Variants in SMG1 observed in about 807,000 individuals in gnomAD.
SMG1 encodes SMG1 nonsense mediated mRNA decay associated PI3K related kinase.
Under a neutral mutation model 419.9 loss-of-function variants are expected in SMG1, and 22 were observed. The observed-to-expected ratio is 0.05, with a 90% CI of 0.04 to 0.07. The LOEUF (loss-of-function observed/expected upper bound fraction) is 0.07, where lower values mean the gene tolerates loss of function less well. Ranked by LOEUF, SMG1 falls within the 10% of genes least tolerant of loss-of-function variation. SMG1 has a pLI of 1.00. For missense variants in SMG1, 3,185 were observed against 4,342.0 expected, an observed-to-expected ratio of 0.73 and a Z score of 7.49; for synonymous variants, 1,538 against 1,553.5, an observed-to-expected ratio of 0.99 and a Z score of 0.23.
At chr16:18,875,752 AAAAAGT>A (rs2036095171) in intron 13 of SMG1, 1 of 290,536 alleles carries the variant, frequency 3.4e-6, no homozygotes, top group Non-Finnish European at 6.3e-6. Context: ...GACAGAAAGA[AAAAAGT>A]ACCAGGGGAA....
chr16:18,922,981 C>T (rs2142038826), intron 1 of SMG1, among the ~76,000 whole-genome samples: 1 of 152,278 alleles, frequency 6.6e-6, no homozygotes, highest in East Asian at 2.0e-4. Flanking sequence ...CTTGTGGATG[C>T]TGAGGCAGGA....
intron 38 of SMG1, 126 bp from the exon 39 acceptor site, chr16:18,845,777 A>C: frequency 1.4e-6 from 1 of 725,004 alleles, no homozygotes; most frequent in Non-Finnish European, 2.2e-6. Flanking sequence ...TAAATAAAGC[A>C]ATAACATATT....
rs764402241 is a variant in SMG1, at chr16:18,850,028, C to A, written c.5382G>T (p.Arg1794=). The change falls in exon 35 of 63, where the codon CGG becomes CGT. Residue 1794 remains arginine (R), a synonymous_variant. Coordinates refer to ENST00000446231, the MANE Select transcript of SMG1 (RefSeq NM_015092.5). ...GCTCACCAGCATGCTTCACGAGCAA[C>A]CGCAGCAGGCGCAATGTGGCCATCA... The part of the protein sequence containing the change: ...MIVMATLRLL[R]LLVKHAGELR... 8 of 1,613,878 alleles carry A rather than the reference C, an allele frequency of 5.0e-6. No individual in the cohort carries two copies. In the African/African-American group the frequency reaches 9.3e-5, roughly 19 times the overall value.
chr16:18,877,182 C>T lies in SMG1; in HGVS notation c.1569G>A (p.Leu523=), dbSNP rs1385589929. 28 of 1,555,376 alleles carry T rather than the reference C, an allele frequency of 1.8e-5. No homozygotes were observed. The East Asian group carries it at 6.1e-4, about 34-fold the overall frequency. Residue 523 remains leucine, a synonymous_variant, in exon 12 of 63, where the codon CTG becomes CTA. Coordinates refer to ENST00000446231, the MANE Select transcript of SMG1 (RefSeq NM_015092.5). The stretch of plus-strand genomic sequence containing the variant: ...ATAGTAGTTTAGATGATGGTATAAA[C>T]AGTTTTTCTACAAATGATGATGGCA... ...TKLPSSFVEK[L]FIPSSKLLFL...
chr16:18,876,664 G>GC (rs371586929), intron 12 of SMG1, among the ~76,000 whole-genome samples: 3 of 125,686 alleles, frequency 2.4e-5, no homozygotes, highest in Non-Finnish European at 5.5e-5. Context: ...CGAAATGGCC[G>GC]TTTTTTTTTT....
At chr16:18,914,004 TAAAAATACA>T (rs1044062613) in intron 1 of SMG1, among the ~76,000 whole-genome samples, 55 of 151,838 alleles carry the variant, frequency 3.6e-4, no homozygotes, top group African/African-American at 1.1e-3. Context: ...CTGTCTCTAC[TAAAAATACA>T]AAAAATTAGC....
At chr16:18,925,887 G>A (rs1011906357) in intron 1 of SMG1, 63 bp downstream of exon 1, 7 of 1,318,542 alleles carry the variant, frequency 5.3e-6, no homozygotes, top group Non-Finnish European at 7.2e-6. Flanking sequence ...CGCGGCCCTA[G>A]GCCTCGGCCC....
At chr16:18,832,103 T>TA (rs1433879201) in intron 51 of SMG1, among the ~76,000 whole-genome samples, 12 of 152,212 alleles carry the variant, frequency 7.9e-5, no homozygotes, top group Non-Finnish European at 1.3e-4. Flanking sequence ...GGGGGTTCAT[T>TA]AGACTATTCT....
At chr16:18,831,037 T>G (rs542550129) in intron 51 of SMG1, among the ~76,000 whole-genome samples, 2 of 152,316 alleles carry the variant, frequency 1.3e-5, no homozygotes, top group South Asian at 4.1e-4. Flanking sequence ...GTTCGCACTA[T>G]TACTACAAGA....
Position 18,819,483 on chromosome 16 carries a change from T to C in SMG1, c.9894+19A>G. ...CCTGTAAAAGTGAATACAAAGATGG[T>C]GCATGTAAGTCACAATACCTGACTT... On this transcript the variant is annotated intron_variant, in intron 56 of 62. Transcript: ENST00000446231. 2 of 1,606,580 alleles carry C rather than the reference T, an allele frequency of 1.2e-6. No individual in the cohort carries two copies. The highest frequency in any genetic ancestry group is 1.7e-6 in the Non-Finnish European group (2 of 1,176,080).
chr16:18,867,860 C>T (rs1253416497), intron 22 of SMG1, among the ~76,000 whole-genome samples: 3 of 151,778 alleles, frequency 2.0e-5, no homozygotes, highest in African/African-American at 7.3e-5. Flanking sequence ...AGGCGCCTGC[C>T]ACCACGCCCA....
chr16:18,832,948 A>G lies in SMG1; in HGVS notation c.8784T>C (p.Asp2928=). ...LEEETHAHYI[D]VARLLHAQYG... ...AGCCAGCATTCACTTGCCTGGCAAC[A>G]TCGATGTAATGAGCATGTGTTTCTT... Residue 2928 remains aspartate, a synonymous_variant, in exon 51 of 63, where the codon GAT becomes GAC. Coordinates refer to ENST00000446231, the MANE Select transcript of SMG1 (RefSeq NM_015092.5). 1 of 1,613,788 alleles carries G rather than the reference A, an allele frequency of 6.2e-7. No individual in the cohort carries two copies. The highest frequency in any genetic ancestry group is 1.1e-5 in the South Asian group (1 of 91,078).
At chr16:18,812,188 G>T in intron 60 of SMG1, 61 bp from the exon 61 acceptor site, 1 of 1,530,002 alleles carries the variant, frequency 6.5e-7, no homozygotes, top group South Asian at 1.2e-5. Flanking sequence ...GGGGCAGAGT[G>T]GAGCAAGCAC....
chr16:18,820,892 T>A (rs1471568520), intron 55 of SMG1, among the ~76,000 whole-genome samples: 2 of 152,194 alleles, frequency 1.3e-5, no homozygotes, highest in African/African-American at 4.8e-5. Flanking sequence ...ACAGACAATA[T>A]AAAGATACAC....
chr16:18,864,629 G>A (rs571511443), intron 23 of SMG1, among the ~76,000 whole-genome samples: 73 of 152,062 alleles, frequency 4.8e-4, no homozygotes, highest in Non-Finnish European at 9.3e-4. Context: ...CCAAGTAGCT[G>A]GGACTATAGG....
chr16:18,816,111 A>G lies in SMG1; in HGVS notation c.10302+191T>C, dbSNP rs915479847. Reference sequence around the variant, plus strand: ...AAGCCTTAGCTTCTCTGTGTATGAAATTCAAACTACTACTACTGGCTTTAA... The same window carrying G: ...AAGCCTTAGCTTCTCTGTGTATGAAGTTCAAACTACTACTACTGGCTTTAA... On this transcript the variant is annotated intron_variant, in intron 58 of 62. Coordinates refer to ENST00000446231, the MANE Select transcript of SMG1 (RefSeq NM_015092.5). The G allele has an allele frequency of 1.3e-5, 8 of 594,708 alleles. No homozygotes were observed. The African/African-American group carries it at 1.5e-4, about 11-fold the overall frequency. The allele number at this position is 594,708 out of a possible 1,614,324, so 36.8% of individuals were successfully genotyped here.
chr16:18,816,577 TG>T, intron 57 of SMG1, 48 bp from the exon 58 acceptor site: 1 of 1,501,226 alleles, frequency 6.7e-7, no homozygotes, highest in Non-Finnish European at 9.2e-7. Context: ...GCTGAAATAA[TG>T]AGTTCTTTCT....
chr16:18,915,276 T>G (rs1157459584), intron 1 of SMG1, among the ~76,000 whole-genome samples: 2 of 151,868 alleles, frequency 1.3e-5, no homozygotes, highest in African/African-American at 4.8e-5. Context: ...CGTGGCCAAA[T>G]TACCGTATTC....
At position 18,808,169 on chromosome 16, in the gene SMG1, G is replaced by A. The variant is rs368782552; in HGVS notation, c.*1400C>T. The A allele has an allele frequency of 6.6e-6, 1 of 150,752 alleles. No individual in the cohort carries two copies. The highest frequency in any genetic ancestry group is 1.9e-4 in the East Asian group (1 of 5,194). The allele number at this position is 150,752 out of a possible 1,614,324, so 9.3% of individuals were successfully genotyped here. On this transcript the variant is annotated 3_prime_UTR_variant, in exon 63 of 63. Transcript: ENST00000446231. ...ATCAGCAATTTAGCTTACACAGTCAGTACTGAAATGCAATGCTAAATTTAA... is the reference window on the plus strand; with the variant it reads ...ATCAGCAATTTAGCTTACACAGTCAATACTGAAATGCAATGCTAAATTTAA...
Sources: allele counts gnomAD v4.1 joint callset (sites outside exome capture counted in the v4.1 genomes callset), GRCh38; gene constraint gnomAD v4.1.1; transcripts MANE v1.5; gene names NCBI Gene and HGNC (gene_info 2026-07-23, HGNC 2026-07-21).